Variants in MBNL1 observed in about 807,000 individuals in gnomAD.
MBNL1 encodes muscleblind like splicing regulator 1.
MBNL1 carries 8 observed loss-of-function variants against 42.2 expected under a neutral mutation model. That is an observed-to-expected ratio of 0.19 (90% CI 0.11 to 0.34). The LOEUF (loss-of-function observed/expected upper bound fraction) is 0.34. Ranked by LOEUF, MBNL1 falls within the 10% of genes least tolerant of loss-of-function variation. The pLI is 1.00. For missense variants in MBNL1, 309 were observed against 495.3 expected, an observed-to-expected ratio of 0.62 and a Z score of 3.57; for synonymous variants, 169 against 173.9, an observed-to-expected ratio of 0.97 and a Z score of 0.22.
At chr3:152,435,637 G>A (rs1336616428) in intron 4 of MBNL1, among the ~76,000 whole-genome samples, 4 of 152,064 alleles carry the variant, frequency 2.6e-5, no homozygotes, top group African/African-American at 7.2e-5. Flanking sequence ...TGAGCAGTAT[G>A]GCCATTTTAA....
chr3:152,294,278 C>CTTTTTT (rs201018898), intron 1 of MBNL1, among the ~76,000 whole-genome samples: 3 of 121,094 alleles, frequency 2.5e-5, no homozygotes, highest in Non-Finnish European at 5.3e-5. Context: ...AAGTTTGATT[C>CTTTTTT]TTTTTTTTTT....
chr3:152,374,500 C>T (rs1045308181), intron 2 of MBNL1, among the ~76,000 whole-genome samples: 8 of 152,186 alleles, frequency 5.3e-5, no homozygotes, highest in Admixed American at 2.6e-4. Context: ...ACTGCAGTGT[C>T]TTAAACCCAT....
At chr3:152,317,942 A>C (rs896656072) in intron 2 of MBNL1, among the ~76,000 whole-genome samples, 1 of 152,258 alleles carries the variant, frequency 6.6e-6, no homozygotes, top group African/African-American at 2.4e-5. Context: ...CAACAAATGA[A>C]TAGATTAGCC....
At chr3:152,253,443 T>C (rs980619955) in intron 2 of MBNL1, among the ~76,000 whole-genome samples, 2 of 152,174 alleles carry the variant, frequency 1.3e-5, no homozygotes, top group Non-Finnish European at 2.9e-5. Context: ...TCTGTTTTTG[T>C]GTTAGCCTAT....
At chr3:152,285,768 A>G (rs1162468912) in intron 1 of MBNL1, among the ~76,000 whole-genome samples, 1 of 151,562 alleles carries the variant, frequency 6.6e-6, no homozygotes, top group Non-Finnish European at 1.5e-5. Context: ...TACTGCAGGC[A>G]TGCACCACCA....
chr3:152,332,735 TGTGTGCGCGC>T (rs2085864591), intron 2 of MBNL1, among the ~76,000 whole-genome samples: 21 of 119,728 alleles, frequency 1.8e-4, no homozygotes, highest in African/African-American at 6.0e-4. Context: ...TGTGTGTGTG[TGTGTGCGCGC>T]GCGCATGCGC....
chr3:152,338,343 G>C, intron 2 of MBNL1: 2 of 985,310 alleles, frequency 2.0e-6, no homozygotes, highest in Non-Finnish European at 2.4e-6. Flanking sequence ...CCTGTCCATT[G>C]ACAGAACCTT....
rs962770602 is a variant in MBNL1, at chr3:152,327,937, A to G, written c.174+27570A>G. ...GAAAAATCAGATGTTTCTGTTTAGG[A>G]CACTGTATGTGACAAACAAGGAAGT... On this transcript the variant is annotated intron_variant, in intron 2 of 9. Transcript: ENST00000324210. 2.4e-4 allele frequency among the ~76,000 whole-genome samples: 36 copies of G among 151,986 alleles called. 1 individual carries two copies. The highest frequency in any genetic ancestry group is 5.0e-4 in the Non-Finnish European group (34 of 67,964).
intron 2 of MBNL1, among the ~76,000 whole-genome samples, chr3:152,357,342 A>T (rs1031235327): frequency 6.6e-6 from 1 of 152,168 alleles, no homozygotes; most frequent in African/African-American, 2.4e-5. Flanking sequence ...CTTAGAGCCA[A>T]TTTTCTTATC....
chr3:152,332,739 T>TGTGTGCGCGC (rs1256022678), intron 2 of MBNL1, among the ~76,000 whole-genome samples: 108 of 115,692 alleles, frequency 9.3e-4, no homozygotes, highest in East Asian at 1.3e-3. Flanking sequence ...TGTGTGTGTG[T>TGTGTGCGCGC]GCGCGCGCGC....
chr3:152,416,666 G>C (rs1343163178), intron 3 of MBNL1, among the ~76,000 whole-genome samples: 1 of 152,222 alleles, frequency 6.6e-6, no homozygotes, highest in African/African-American at 2.4e-5. Context: ...TTTGAGATCA[G>C]CAAGTGTGTT....
At chr3:152,408,976 G>T (rs1467771918) in intron 2 of MBNL1, among the ~76,000 whole-genome samples, 1 of 152,184 alleles carries the variant, frequency 6.6e-6, no homozygotes, top group Non-Finnish European at 1.5e-5. Flanking sequence ...TAGGATGTAT[G>T]TGCTCTTGTA....
intron 2 of MBNL1, among the ~76,000 whole-genome samples, chr3:152,321,449 G>A (rs1208746835): frequency 6.6e-6 from 1 of 151,864 alleles, no homozygotes; most frequent in Non-Finnish European, 1.5e-5. Flanking sequence ...CTGCAAATAG[G>A]GTGAGTTTTC....
chr3:152,343,423 C>T (rs2093687370), intron 2 of MBNL1, among the ~76,000 whole-genome samples: 1 of 152,118 alleles, frequency 6.6e-6, no homozygotes, highest in South Asian at 2.1e-4. Flanking sequence ...GCCTGCCTTA[C>T]TAGATTCTGA....
intron 2 of MBNL1, among the ~76,000 whole-genome samples, chr3:152,377,809 T>A (rs906137434): frequency 6.6e-6 from 1 of 152,220 alleles, no homozygotes; most frequent in Non-Finnish European, 1.5e-5. Flanking sequence ...TATCAAATGA[T>A]GGACACAAGG....
intron 2 of MBNL1, among the ~76,000 whole-genome samples, chr3:152,349,781 T>C (rs2152968954): frequency 6.6e-6 from 1 of 152,252 alleles, no homozygotes; most frequent in East Asian, 1.9e-4. Context: ...TGTATGTGTG[T>C]ATTTTAATGC....
At chr3:152,458,097 T>C (rs370807244) in intron 8 of MBNL1, 14 of 1,585,990 alleles carry the variant, frequency 8.8e-6, no homozygotes, top group African/African-American at 6.7e-5. Context: ...TCTGCATCGA[T>C]TGGTGTTGAA....
At chr3:152,380,278 G>A (rs1415335975) in intron 2 of MBNL1, among the ~76,000 whole-genome samples, 1 of 152,088 alleles carries the variant, frequency 6.6e-6, no homozygotes, top group African/African-American at 2.4e-5. Context: ...AAAATACAGT[G>A]TCTGAGTGAT....
chr3:152,465,573 C>G lies in MBNL1; in HGVS notation c.*3207C>G, dbSNP rs149267373. On this transcript the variant is annotated 3_prime_UTR_variant, in exon 10 of 10. Coordinates refer to ENST00000324210, the MANE Select transcript of MBNL1 (RefSeq NM_021038.5). ...AATGTTGCACTTATCAGCAACCCTA[C>G]CACTTTCATCTGCTGAAAGGACAAA... 2.0e-5 allele frequency: 3 copies of G among 152,600 alleles called. No homozygotes were observed. The East Asian group carries it at 5.8e-4, about 29-fold the overall frequency. The allele number at this position is 152,600 out of a possible 1,614,324, so 9.5% of individuals were successfully genotyped here.
Sources: allele counts gnomAD v4.1 joint callset (sites outside exome capture counted in the v4.1 genomes callset), GRCh38; gene constraint gnomAD v4.1.1; transcripts MANE v1.5; gene names NCBI Gene and HGNC (gene_info 2026-07-23, HGNC 2026-07-21).